The following ARID4A variants were observed in gnomAD, a reference collection of about 807,000 sequenced individuals.
ARID4A encodes the protein AT-rich interactive domain-containing protein 4A.
Under a neutral mutation model 148.6 loss-of-function variants are expected in ARID4A, and 39 were observed. The observed-to-expected ratio is 0.26, with a 90% CI of 0.20 to 0.34. The LOEUF (loss-of-function observed/expected upper bound fraction) is 0.34. ARID4A is among the 10% of genes least tolerant of loss of function. ARID4A has a pLI of 1.00. For missense variants in ARID4A, 1,265 were observed against 1,449.1 expected, an observed-to-expected ratio of 0.87 and a Z score of 2.06; for synonymous variants, 475 against 481.2, an observed-to-expected ratio of 0.99 and a Z score of 0.17.
rs2030983314 is a variant in ARID4A, at chr14:58,299,841, G to A, written c.-14G>A. ...TAGCTCGCTGAGCTGGAACCCCACA[G>A]ATCACCAACAAAAATGAAGGTAAGT... On this transcript the variant is annotated 5_prime_UTR_variant, in exon 2 of 24. Coordinates refer to ENST00000355431, the MANE Select transcript of ARID4A (RefSeq NM_002892.4). 1 of 1,614,182 alleles carries A rather than the reference G, an allele frequency of 6.2e-7. No individual in the cohort carries two copies. The highest frequency in any genetic ancestry group is 8.5e-7 in the Non-Finnish European group (1 of 1,180,036).
chr14:58,328,661 A>G (rs1358866299), intron 9 of ARID4A, among the ~76,000 whole-genome samples: 2 of 151,924 alleles, frequency 1.3e-5, no homozygotes, highest in Non-Finnish European at 2.9e-5. Flanking sequence ...TTTAATCTCT[A>G]TTACAAGAGC....
At chr14:58,317,488 G>C (rs144907005) in intron 5 of ARID4A, among the ~76,000 whole-genome samples, 1 of 150,464 alleles carries the variant, frequency 6.6e-6, no homozygotes, top group African/African-American at 2.4e-5. Flanking sequence ...GGGTTTCACC[G>C]TGTTAGCCAG....
intron 15 of ARID4A, 134 bp from the exon 16 acceptor site, chr14:58,350,939 A>G: frequency 1.4e-6 from 1 of 712,514 alleles, no homozygotes; most frequent in Non-Finnish European, 2.2e-6. Context: ...AGAGAAAGGT[A>G]CCTTTGAGTT....
At chr14:58,334,405 T>A (rs2033691913) in intron 11 of ARID4A, among the ~76,000 whole-genome samples, 1 of 152,222 alleles carries the variant, frequency 6.6e-6, no homozygotes, top group African/African-American at 2.4e-5. Flanking sequence ...TCTGAAATTA[T>A]AAGTGCCTTA....
intron 12 of ARID4A, among the ~76,000 whole-genome samples, chr14:58,344,994 T>C (rs1477222811): frequency 6.6e-6 from 1 of 152,144 alleles, no homozygotes; most frequent in African/African-American, 2.4e-5. Flanking sequence ...TGCCTCAGCC[T>C]CTCGAGTAGC....
rs747612667 is a variant in ARID4A at position 58,328,353 on chromosome 14, G to GA, written c.662+47dup. ...ATCCTTTAATGATGTTACGTGGGAG[G>GA]AAAAAAAAAATAGAATTACAATGAT... On this transcript the variant is annotated intron_variant, in intron 9 of 23. Transcript: ENST00000355431. The GA allele has an allele frequency of 7.9e-3, 9,370 of 1,181,364 alleles. 1 individual carries two copies. The highest frequency in any genetic ancestry group is 0.014 in the South Asian group (943 of 66,052). 73.2% of individuals were successfully genotyped at this position (1,181,364 alleles called of 1,614,324 possible). A position where few individuals can be genotyped will look rare whatever the true frequency, so the allele number is the denominator to read the frequency against.
intron 15 of ARID4A, among the ~76,000 whole-genome samples, chr14:58,349,488 T>C (rs12879717): frequency 0.55 from 80,654 of 145,436 alleles, 21,987 homozygotes; most frequent in Middle Eastern, 0.7. Flanking sequence ...CTACTAAAAA[T>C]ACAAAAAAAA....
intron 11 of ARID4A, among the ~76,000 whole-genome samples, chr14:58,337,519 G>A (rs2033894666): frequency 1.3e-5 from 2 of 151,838 alleles, no homozygotes; most frequent in South Asian, 2.1e-4. Context: ...ACAAGGTGGT[G>A]GGAGATTTGT....
chr14:58,365,407 CTT>C (rs2035313438), intron 20 of ARID4A, 107 bp downstream of exon 20: 1 of 1,384,262 alleles, frequency 7.2e-7, no homozygotes, highest in East Asian at 2.5e-5. Flanking sequence ...TCTTTTCTCT[CTT>C]CTTTTCTTAT....
At chr14:58,309,659 AAAGT>A (rs1442035179) in intron 5 of ARID4A, among the ~76,000 whole-genome samples, 2 of 152,090 alleles carry the variant, frequency 1.3e-5, no homozygotes, top group Non-Finnish European at 2.9e-5. Context: ...ATATACTTGA[AAAGT>A]AAGGAAAAGT....
At chr14:58,326,261 C>A (rs1309639689) in intron 8 of ARID4A, among the ~76,000 whole-genome samples, 1 of 152,152 alleles carries the variant, frequency 6.6e-6, no homozygotes, top group African/African-American at 2.4e-5. Context: ...CATGGTGAAA[C>A]CCTGTCGCTA....
intron 3 of ARID4A, among the ~76,000 whole-genome samples, chr14:58,302,121 G>A (rs754699399): frequency 3.3e-5 from 5 of 152,094 alleles, no homozygotes; most frequent in Non-Finnish European, 5.9e-5. Context: ...ACTTTGGGAG[G>A]CCGAAGTGGG....
chr14:58,343,422 G>A (rs1005940279), intron 11 of ARID4A, among the ~76,000 whole-genome samples: 2 of 152,152 alleles, frequency 1.3e-5, no homozygotes, highest in Non-Finnish European at 2.9e-5. Flanking sequence ...GATCCTGGCT[G>A]TATTATCAGC....
intron 5 of ARID4A, among the ~76,000 whole-genome samples, chr14:58,311,508 C>G (rs1379531561): frequency 1.3e-5 from 2 of 152,032 alleles, no homozygotes; most frequent in African/African-American, 4.8e-5. Flanking sequence ...ATTAGTATAG[C>G]CATCATGGAA....
At chr14:58,347,476 T>G (rs1180505748) in intron 14 of ARID4A, among the ~76,000 whole-genome samples, 171 bp from the exon 15 acceptor site, 1 of 152,212 alleles carries the variant, frequency 6.6e-6, no homozygotes, top group Non-Finnish European at 1.5e-5. Context: ...TATGATCAGT[T>G]TTTCTGTTTA....
chr14:58,322,169 C>T (rs987069856), intron 7 of ARID4A, among the ~76,000 whole-genome samples: 3 of 151,908 alleles, frequency 2.0e-5, no homozygotes, highest in African/African-American at 7.3e-5. Flanking sequence ...GGGGTTTTGT[C>T]ATACTTGCCA....
At chr14:58,349,428 C>T (rs551151773) in intron 15 of ARID4A, among the ~76,000 whole-genome samples, 8 of 151,236 alleles carry the variant, frequency 5.3e-5, no homozygotes, top group East Asian at 3.9e-4. Flanking sequence ...AGGTGGATCT[C>T]GAGATCAGGA....
At chr14:58,299,182 T>G (rs55791516) in intron 1 of ARID4A, 107,489 of 151,212 alleles carry the variant, frequency 0.71, 38,569 homozygotes, top group Middle Eastern at 0.87. Flanking sequence ...CCACCTCCCC[T>G]CCTCCTCCCC....
chr14:58,349,977 T>C (rs1028454187), intron 15 of ARID4A, among the ~76,000 whole-genome samples: 14 of 151,180 alleles, frequency 9.3e-5, no homozygotes, highest in African/African-American at 3.4e-4. Flanking sequence ...GGCATGGTGG[T>C]GCGCGCCTGT....
Sources: allele counts gnomAD v4.1 joint callset (sites outside exome capture counted in the v4.1 genomes callset), GRCh38; gene constraint gnomAD v4.1.1; transcripts MANE v1.5; gene names NCBI Gene and HGNC (gene_info 2026-07-23, HGNC 2026-07-21).